Variants in CBLN2 observed in about 807,000 individuals in gnomAD.
The protein encoded by CBLN2 is cerebellin 2 precursor, also known as cerebellin-2.
A neutral mutation model predicts 15.0 loss-of-function variants in CBLN2; 7 were observed. The ratio of observed to expected loss-of-function variants is 0.47; its 90% CI spans 0.27 to 0.88. The LOEUF is 0.88. CBLN2 is among the 40% of genes least tolerant of loss of function. The pLI, the probability that CBLN2 is intolerant of heterozygous loss-of-function variation, is 0.14. For missense variants in CBLN2, 242 were observed against 304.5 expected, an observed-to-expected ratio of 0.79 and a Z score of 1.53; for synonymous variants, 149 against 135.2, an observed-to-expected ratio of 1.10 and a Z score of -0.71.
rs778480140 is a variant in CBLN2 at position 72,542,063 on chromosome 18, C to T, written c.98G>A (p.Gly33Glu). 1.3e-6 allele frequency: 2 copies of T among 1,565,806 alleles called. No individual in the cohort carries two copies. The highest frequency in any genetic ancestry group is 1.7e-6 in the Non-Finnish European group (2 of 1,166,624). ...REPGGCGSCL[G>E]VALALLLLLL... ...CAGCAACAGCAGGGCCAGCGCCACCCCCAGGCAGGATCCGCAGCCGCCCGG... is the reference window on the plus strand; with the variant it reads ...CAGCAACAGCAGGGCCAGCGCCACCTCCAGGCAGGATCCGCAGCCGCCCGG... Residue 33 changes from glycine to glutamate, a missense_variant, in exon 3 of 5, where the codon GGG becomes GAG. By Grantham distance (98) the Gly-to-Glu change is moderately conservative (BLOSUM62 -2). Coordinates refer to ENST00000269503, the MANE Select transcript of CBLN2 (RefSeq NM_182511.4).
At position 72,540,768 on chromosome 18, in the gene CBLN2, T is replaced by C. The variant is rs1026521064; in HGVS notation, c.357+1036A>G. Among the ~76,000 whole-genome samples the C allele has an allele frequency of 4.6e-5, 7 of 152,180 alleles. No homozygotes were observed. The East Asian group carries it at 7.7e-4, about 17-fold the overall frequency. On this transcript the variant is annotated intron_variant, in intron 3 of 4. Coordinates refer to ENST00000269503, the MANE Select transcript of CBLN2 (RefSeq NM_182511.4). ...ATAGAGTCAAGAGTGTGTGTGTCTG[T>C]AGGTTTATGGTTATTAAGTTTAAGA...
chr18:72,574,756 T>A (rs924212503), intron 1 of CBLN2, among the ~76,000 whole-genome samples: 2 of 152,154 alleles, frequency 1.3e-5, no homozygotes, highest in Non-Finnish European at 2.9e-5. Flanking sequence ...GTGCTGGGTG[T>A]CTGGGAAGAG....
In CBLN2 at chr18:72,538,119, A is replaced by C. The variant is rs1370845536; in HGVS notation, c.*57T>G. 3 of 1,574,162 alleles carry C rather than the reference A, an allele frequency of 1.9e-6. No individual in the cohort carries two copies. In the African/African-American group the frequency reaches 4.1e-5, roughly 21 times the overall value. The stretch of plus-strand genomic sequence containing the variant: ...ATTCCAGTAAGTTCAGGGTGTTTTA[A>C]AGGGCGGAGTCCTGGGTCCAGTTTG... On this transcript the variant is annotated 3_prime_UTR_variant, in exon 5 of 5. Transcript: ENST00000269503.
chr18:72,553,928 G>A (rs947337996), intron 1 of CBLN2, among the ~76,000 whole-genome samples: 5 of 152,118 alleles, frequency 3.3e-5, no homozygotes, highest in Non-Finnish European at 5.9e-5. Flanking sequence ...TGTCAGATTC[G>A]TTTTTCAGCT....
intron 1 of CBLN2, among the ~76,000 whole-genome samples, chr18:72,605,806 G>A (rs1432076): frequency 0.21 from 31,953 of 152,190 alleles, 5,274 homozygotes; most frequent in African/African-American, 0.46. Flanking sequence ...TGGGCCTCAC[G>A]GCCCAGCCTT....
At chr18:72,575,962 C>T (rs1475969435) in intron 1 of CBLN2, among the ~76,000 whole-genome samples, 2 of 152,178 alleles carry the variant, frequency 1.3e-5, no homozygotes, top group African/African-American at 2.4e-5. Flanking sequence ...TAGCCCTTAT[C>T]ACCCTAAACC....
chr18:72,625,666 ATATTATTATAG>A (rs1477790448), intron 1 of CBLN2, among the ~76,000 whole-genome samples: 2 of 140,968 alleles, frequency 1.4e-5, no homozygotes, highest in Non-Finnish European at 1.5e-5. Context: ...TTATAGGATT[ATATTATTATAG>A]TATTATTATA....
chr18:72,598,912 G>T (rs981605018), intron 1 of CBLN2, among the ~76,000 whole-genome samples: 2 of 152,162 alleles, frequency 1.3e-5, no homozygotes, highest in Admixed American at 1.3e-4. Context: ...CATGCCACAT[G>T]GTCACTTTCG....
chr18:72,579,427 G>C (rs768636842), intron 1 of CBLN2, among the ~76,000 whole-genome samples: 4 of 152,086 alleles, frequency 2.6e-5, no homozygotes, highest in Non-Finnish European at 5.9e-5. Flanking sequence ...ATGTATTATT[G>C]AGCTGGAAGA....
At chr18:72,619,488 A>AT (rs1250749907) in intron 1 of CBLN2, among the ~76,000 whole-genome samples, 1 of 152,162 alleles carries the variant, frequency 6.6e-6, no homozygotes, top group African/African-American at 2.4e-5. Context: ...AATATAGATG[A>AT]TTTTTTGTAC....
chr18:72,610,275 A>G (rs2069613525), intron 1 of CBLN2, among the ~76,000 whole-genome samples: 1 of 152,008 alleles, frequency 6.6e-6, no homozygotes, highest in Non-Finnish European at 1.5e-5. Flanking sequence ...CTCCATTCTG[A>G]GCATGTGTGC....
chr18:72,592,085 C>A (rs1427877730), intron 1 of CBLN2, among the ~76,000 whole-genome samples: 2 of 152,032 alleles, frequency 1.3e-5, no homozygotes, highest in African/African-American at 4.8e-5. Flanking sequence ...ATTTACATTC[C>A]CACCAACATG....
intron 1 of CBLN2, among the ~76,000 whole-genome samples, chr18:72,578,279 A>G (rs976930727): frequency 6.6e-6 from 1 of 152,224 alleles, no homozygotes; most frequent in Non-Finnish European, 1.5e-5. Context: ...TGATCAATTT[A>G]CTGTTTAAAA....
chr18:72,566,884 G>A (rs1255877021), intron 1 of CBLN2, among the ~76,000 whole-genome samples: 2 of 152,068 alleles, frequency 1.3e-5, no homozygotes, highest in African/African-American at 2.4e-5. Context: ...CCAGGCTGGA[G>A]TGCAATCACA....
intron 1 of CBLN2, among the ~76,000 whole-genome samples, chr18:72,581,784 A>G (rs535071409): frequency 1.3e-5 from 2 of 152,292 alleles, no homozygotes; most frequent in South Asian, 4.1e-4. Flanking sequence ...TATGCTGCTT[A>G]AATATTTTTC....
upstream of CBLN2, among the ~76,000 whole-genome samples, chr18:72,547,225 A>T (rs1467426223): frequency 6.6e-6 from 1 of 152,272 alleles, no homozygotes; most frequent in East Asian, 1.9e-4. Flanking sequence ...ATGGAACTGG[A>T]GGCCTCTATC....
chr18:72,592,839 A>G (rs562076325), intron 1 of CBLN2, among the ~76,000 whole-genome samples: 2 of 152,040 alleles, frequency 1.3e-5, no homozygotes, highest in African/African-American at 2.4e-5. Context: ...ATTCTGTTCT[A>G]TTGGTCTTTG....
chr18:72,615,033 G>GTAAATATATATATATATATATA lies in CBLN2; in HGVS notation c.15+23291_15+23292insTATATATATATATATATATTTA, dbSNP rs1332829230. On this transcript the variant is annotated intron_variant, in intron 1 of 2. Coordinates refer to the CBLN2 transcript ENST00000581073. Reference sequence around the variant, plus strand: ...TCACTTAGCAACTTAAGGAGATCAAGTACATATATATATATATATATATAA... The same window carrying GTAAATATATATATATATATATA: ...TCACTTAGCAACTTAAGGAGATCAAGTAAATATATATATATATATATATACATATATATATATATATATATAA... 9.0e-5 allele frequency among the ~76,000 whole-genome samples: 11 copies of GTAAATATATATATATATATATA among 121,932 alleles called. No individual in the cohort carries two copies. In the East Asian group the frequency reaches 1.4e-3, roughly 15 times the overall value. The allele number at this position is 121,932 out of a possible 152,430, so 80.0% of individuals were successfully genotyped here.
Position 72,582,524 on chromosome 18 carries a change from G to T in CBLN2, c.16-43752C>A, listed in dbSNP as rs533973997. On this transcript the variant is annotated intron_variant, in intron 1 of 2. Coordinates refer to the CBLN2 transcript ENST00000581073. ...CTGTTTCTGATATGAGGCGAGAGATGTGAAGGAGCTTTTTCCTGGGGTCTG... is the reference window on the plus strand; with the variant it reads ...CTGTTTCTGATATGAGGCGAGAGATTTGAAGGAGCTTTTTCCTGGGGTCTG... Among the ~76,000 whole-genome samples the T allele has an allele frequency of 6.6e-5, 10 of 152,314 alleles. No homozygotes were observed. In the East Asian group the frequency reaches 1.9e-3, roughly 29 times the overall value.
Sources: gnomAD v4.1 joint callset for allele counts (sites outside exome capture counted in the v4.1 genomes callset) on GRCh38, gnomAD v4.1.1 for gene constraint, MANE v1.5 for transcripts, NCBI Gene and HGNC (gene_info 2026-07-23, HGNC 2026-07-21) for gene names.